TCF25: variants seen among roughly 807,000 people sequenced by gnomAD.
TCF25 encodes the protein ribosome quality control complex subunit TCF25.
In TCF25, 41 loss-of-function variants were observed where a neutral mutation model predicts 83.1. The ratio of observed to expected loss-of-function variants is 0.49; its 90% confidence interval spans 0.38 to 0.64. The LOEUF is 0.64. TCF25 is among the 30% of genes least tolerant of loss of function. The pLI is 0.00. For synonymous variants in TCF25, 458 were observed against 365.0 expected (o/e 1.25, Z -2.90); for missense variants, 979 against 914.5 (o/e 1.07, Z -0.91).
chr16:89,893,931 C>G, intron 7 of TCF25, 73 bp downstream of exon 7: 1 of 1,538,520 alleles, frequency 6.5e-7, no homozygotes, highest in South Asian at 1.2e-5. Flanking sequence ...GCCTGCTTCC[C>G]TGGTGGCTGG....
intron 8 of TCF25, among the ~76,000 whole-genome samples, chr16:89,895,700 G>A (rs1168504001): frequency 1.3e-5 from 2 of 152,234 alleles, no homozygotes; most frequent in Admixed American, 6.5e-5. Flanking sequence ...CGCAGTCTTA[G>A]GTGGACACAT....
intron 1 of TCF25, among the ~76,000 whole-genome samples, chr16:89,874,172 T>A (rs1227010874): frequency 6.7e-6 from 1 of 149,802 alleles, no homozygotes; most frequent in Non-Finnish European, 1.5e-5. Context: ...TTAAGCGGGG[T>A]CCGGGTTGTG....
intron 12 of TCF25, among the ~76,000 whole-genome samples, chr16:89,902,778 G>A (rs1317953941): frequency 1.3e-5 from 2 of 151,812 alleles, no homozygotes; most frequent in East Asian, 1.9e-4. Flanking sequence ...GGCCTCCTCC[G>A]AGGGGCGGTG....
At chr16:89,888,300 AT>A (rs1269614681) in intron 5 of TCF25, among the ~76,000 whole-genome samples, 1 of 151,084 alleles carries the variant, frequency 6.6e-6, no homozygotes, top group Admixed American at 6.6e-5. Context: ...AAATTTTAAG[AT>A]TCTAGTTTTG....
In TCF25 at chr16:89,904,155, C is replaced by A; in HGVS notation, c.1419C>A (p.Pro473=). 1.2e-6 allele frequency: 2 copies of A among 1,605,248 alleles called. No homozygotes were observed. Among genetic ancestry groups the A allele is most frequent in the Non-Finnish European group, 1.7e-6 (2 of 1,176,020 alleles). Residue 473 remains proline (P), a synonymous_variant, in exon 13 of 18, where the codon CCC becomes CCA. Transcript: ENST00000263346. Reference sequence around the variant, plus strand: ...TGCTCGAGTCTTGCAGTGTGCGGCCCGACGCCAGCGTTTCCAGTCACCGCT... The same window carrying A: ...TGCTCGAGTCTTGCAGTGTGCGGCCAGACGCCAGCGTTTCCAGTCACCGCT... ...LPLLESCSVR[P]DASVSSHRFF... is the part of the protein sequence containing the mutation.
At chr16:89,906,799 G>A (rs142597079) in intron 15 of TCF25, among the ~76,000 whole-genome samples, 21 of 152,204 alleles carry the variant, frequency 1.4e-4, no homozygotes, top group African/African-American at 4.3e-4. Context: ...CCTTATGACC[G>A]GCATGGCTGG....
At chr16:89,874,080 G>A (rs987562944) in intron 1 of TCF25, among the ~76,000 whole-genome samples, 21 of 151,000 alleles carry the variant, frequency 1.4e-4, no homozygotes, top group African/African-American at 4.9e-4. Flanking sequence ...AGTTAGACTG[G>A]GTTCTAACCC....
At chr16:89,888,481 C>T (rs1054265859) in intron 5 of TCF25, among the ~76,000 whole-genome samples, 4 of 150,786 alleles carry the variant, frequency 2.7e-5, no homozygotes, top group Admixed American at 1.3e-4. Flanking sequence ...CCCAGCTACT[C>T]AGGAGGCTGA....
chr16:89,893,805 G>A lies in TCF25; in HGVS notation c.775G>A (p.Ala259Thr). 2 of 1,612,718 alleles carry A rather than the reference G, an allele frequency of 1.2e-6. No individual in the cohort carries two copies. The highest frequency in any genetic ancestry group is 8.5e-7 in the Non-Finnish European group (1 of 1,179,470). ...TGAGCACAGTGAGGAGTACCAGCAG[G>A]CTCAGCACAAGTTCCTGGTGGCCGT... ...AFEHSEEYQQ[A>T]QHKFLVAVES... Residue 259 changes from alanine (A) to threonine (T), a missense_variant, in exon 7 of 18, where the codon GCT becomes ACT. Physicochemically the swap from Ala to Thr is moderately conservative, Grantham distance 58 (BLOSUM62 0). Coordinates refer to ENST00000263346, the MANE Select transcript of TCF25 (RefSeq NM_014972.3).
chr16:89,900,532 C>T, intron 11 of TCF25, 103 bp from the exon 12 acceptor site: 1 of 1,360,254 alleles, frequency 7.4e-7, no homozygotes, highest in Non-Finnish European at 9.9e-7. Flanking sequence ...CAGAATATAC[C>T]TGCTCGGGGT....
chr16:89,902,911 G>A (rs890800290), intron 12 of TCF25, among the ~76,000 whole-genome samples: 1 of 152,182 alleles, frequency 6.6e-6, no homozygotes, highest in Non-Finnish European at 1.5e-5. Flanking sequence ...GCTCTGTCTG[G>A]GCCCCGAGGA....
At chr16:89,905,487 C>T (rs2044700312) in intron 14 of TCF25, among the ~76,000 whole-genome samples, 1 of 152,200 alleles carries the variant, frequency 6.6e-6, no homozygotes. Context: ...AGGCTCATGC[C>T]CTAATATGCT....
In TCF25 at chr16:89,883,503, C is replaced by G; in HGVS notation, c.345C>G (p.Pro115=). The G allele has an allele frequency of 1.2e-6, 2 of 1,604,640 alleles. No individual in the cohort carries two copies. Among genetic ancestry groups the G allele is most frequent in the South Asian group, 2.2e-5 (2 of 89,576 alleles). Residue 115 remains proline, a synonymous_variant, in exon 2 of 18, where the codon CCC becomes CCG. Coordinates refer to ENST00000263346, the MANE Select transcript of TCF25 (RefSeq NM_014972.3). ...ATGGAGATGACACCGAGACAGTGCC[C>G]TCAGAGCAGGTGGGGGGCTGAGTGG... The part of the protein sequence containing the change: ...KTDGDDTETV[P]SEQSHASGKL...
chr16:89,907,372 CCAG>C (rs2044902712), intron 16 of TCF25, 50 bp downstream of exon 16: 1 of 92,410 alleles, frequency 1.1e-5, no homozygotes, highest in South Asian at 1.7e-4. Flanking sequence ...CTCCCTCCTC[CCAG>C]TTCCCAGCTC....
chr16:89,890,822 T>A lies in TCF25; in HGVS notation c.615-1371T>A, dbSNP rs576062666. Among the ~76,000 whole-genome samples the A allele has an allele frequency of 2.0e-5, 3 of 152,312 alleles. No individual in the cohort carries two copies. The South Asian group carries it at 6.2e-4, about 32-fold the overall frequency. On this transcript the variant is annotated intron_variant, in intron 5 of 17. Transcript: ENST00000263346. ...ACTCGTAGTAATTAGTTGACAATAA[T>A]TGCCTTTATTATTTTTATAGTATTA...
intron 5 of TCF25, chr16:89,890,517 C>A (rs889799487): frequency 1.3e-5 from 2 of 152,130 alleles, no homozygotes; most frequent in African/African-American, 4.8e-5. Flanking sequence ...TTTTCATATG[C>A]TGTTGTTCAC....
chr16:89,885,786 A>G, intron 3 of TCF25, 62 bp from the exon 4 acceptor site: 1 of 1,355,438 alleles, frequency 7.4e-7, no homozygotes, highest in Non-Finnish European at 1.1e-6. Flanking sequence ...TAATTTTGTT[A>G]TTGTTACAAT....
chr16:89,896,535 A>G (rs2043862428), intron 9 of TCF25, among the ~76,000 whole-genome samples: 1 of 149,340 alleles, frequency 6.7e-6, no homozygotes, highest in South Asian at 2.1e-4. Context: ...GGCAACATGC[A>G]GTCTCAAAAC....
chr16:89,910,013 G>A (rs747944080), intron 16 of TCF25: 20 of 152,846 alleles, frequency 1.3e-4, no homozygotes, highest in Non-Finnish European at 2.2e-4. Flanking sequence ...CCCAGGCCCC[G>A]TCACCCGCAC....
Sources: gnomAD v4.1 joint callset for allele counts (sites outside exome capture counted in the v4.1 genomes callset) on GRCh38, gnomAD v4.1.1 for gene constraint, MANE v1.5 for transcripts, NCBI Gene and HGNC (gene_info 2026-07-23, HGNC 2026-07-21) for gene names.